The following STAT3 variants were observed in gnomAD, a reference collection of about 807,000 sequenced individuals.
STAT3 encodes the protein DNA-binding protein APRF.
A neutral mutation model predicts 114.3 loss-of-function variants in STAT3; 7 were observed. That is an observed-to-expected ratio of 0.06 (90% CI 0.03 to 0.11). The LOEUF is 0.11. Ranked by LOEUF, STAT3 falls within the 10% of genes least tolerant of loss-of-function variation. STAT3 has a pLI of 1.00. For synonymous variants in STAT3, 331 were observed against 354.5 expected, an observed-to-expected ratio of 0.93 and a Z score of 0.74; for missense variants, 364 against 960.9, an observed-to-expected ratio of 0.38 and a Z score of 8.21.
At chr17:42,343,183 A>C (rs1319505497) in intron 4 of STAT3, among the ~76,000 whole-genome samples, 4 of 151,554 alleles carry the variant, frequency 2.6e-5, no homozygotes, top group African/African-American at 4.8e-5. Context: ...AAAAAAAAAA[A>C]AAAACAAAGG....
intron 23 of STAT3, 105 bp downstream of exon 23, chr17:42,316,684 T>G: frequency 6.4e-7 from 1 of 1,561,534 alleles, no homozygotes; most frequent in Non-Finnish European, 8.7e-7. Context: ...CTCTAGAATC[T>G]CCTACCATTC....
intron 3 of STAT3, 144 bp from the exon 4 acceptor site, chr17:42,345,801 G>A: frequency 2.4e-6 from 2 of 822,844 alleles, no homozygotes; most frequent in East Asian, 2.7e-5. Context: ...GAGCCTGGGT[G>A]AAGGCTCTCT....
At chr17:42,328,170 C>T (rs2081823067) in intron 14 of STAT3, among the ~76,000 whole-genome samples, 1 of 151,988 alleles carries the variant, frequency 6.6e-6, no homozygotes, top group African/African-American at 2.4e-5. Flanking sequence ...ATACCAACAG[C>T]AGCACTAATA....
rs1044069148 is a variant in STAT3, at chr17:42,324,745, G to A, written c.1566C>T (p.Ile522=). The A allele has an allele frequency of 2.0e-5, 32 of 1,614,000 alleles. No individual in the cohort carries two copies. The highest frequency in any genetic ancestry group is 1.5e-4 in the African/African-American group (11 of 74,890). ...FSSTTKRGLS[I]EQLTTLAEKL... is the part of the protein sequence containing the mutation. ...TCTCTGCCAGTGTAGTCAGCTGCTC[G>A]ATGCTCAGTCCTCGCTTGGTGGTGG... Residue 522 remains isoleucine (I), a synonymous_variant, in exon 17 of 24, where the codon ATC becomes ATT. Transcript: ENST00000264657. The surrounding 1 kb of genome is among the most constrained non-coding windows in gnomAD (Gnocchi z 4.5).
At chr17:42,342,727 C>T (rs1056414155) in intron 4 of STAT3, among the ~76,000 whole-genome samples, 1 of 152,046 alleles carries the variant, frequency 6.6e-6, no homozygotes, top group Non-Finnish European at 1.5e-5. Context: ...GGCAGGGCTG[C>T]GGGTTCAAAC....
intron 22 of STAT3, 104 bp from the exon 23 acceptor site, chr17:42,317,005 G>A: frequency 3.2e-6 from 5 of 1,560,030 alleles, no homozygotes; most frequent in Non-Finnish European, 4.3e-6. Context: ...TCAAACTCTG[G>A]TCTCCAACAG....
At chr17:42,358,036 G>A (rs1455318686) in intron 1 of STAT3, among the ~76,000 whole-genome samples, 4 of 152,162 alleles carry the variant, frequency 2.6e-5, no homozygotes. Context: ...AACCAATGAC[G>A]ATCAAGCTTG....
At chr17:42,329,506 T>C (rs2144769748) in intron 13 of STAT3, 48 bp downstream of exon 13, 1 of 1,614,154 alleles carries the variant, frequency 6.2e-7, no homozygotes. Flanking sequence ...TCCCTAGCCC[T>C]CTCCGGCAGC....
intron 1 of STAT3, among the ~76,000 whole-genome samples, chr17:42,351,079 C>T (rs2082926181): frequency 1.4e-5 from 2 of 145,192 alleles, no homozygotes; most frequent in Admixed American, 1.4e-4. Context: ...TGCAGTGAGC[C>T]GAGATCGTGC....
At chr17:42,345,868 C>T (rs1443962426) in intron 3 of STAT3, among the ~76,000 whole-genome samples, 2 of 144,332 alleles carry the variant, frequency 1.4e-5, no homozygotes, top group African/African-American at 5.4e-5. Context: ...GGCACATTAG[C>T]CTGAGTCTTT....
intron 1 of STAT3, among the ~76,000 whole-genome samples, chr17:42,353,803 GCCTCAAGCGAT>G (rs768623017): frequency 1.8e-4 from 28 of 152,190 alleles, no homozygotes; most frequent in African/African-American, 3.1e-4. Flanking sequence ...TGAACTCCTG[GCCTCAAGCGAT>G]CCTCCCACCT....
rs954299992 is a variant in STAT3, at chr17:42,314,060, C to T, written c.*1685G>A. On this transcript the variant is annotated 3_prime_UTR_variant, in exon 24 of 24. Transcript: ENST00000264657. Reference sequence around the variant, plus strand: ...CCAGCACGTGCTAGGTGTTCCCATACGCACAGGAGAGGCGAGCTAGCCAGC... The same window carrying T: ...CCAGCACGTGCTAGGTGTTCCCATATGCACAGGAGAGGCGAGCTAGCCAGC... The T allele has an allele frequency of 6.0e-5, 14 of 231,846 alleles. No individual in the cohort carries two copies. The highest frequency in any genetic ancestry group is 2.0e-4 in the African/African-American group (9 of 45,184). The allele number at this position is 231,846 out of a possible 1,614,324, so 14.4% of individuals were successfully genotyped here.
At chr17:42,344,006 C>T (rs7217655) in intron 4 of STAT3, among the ~76,000 whole-genome samples, 53,640 of 152,016 alleles carry the variant, frequency 0.35, 9,689 homozygotes, top group South Asian at 0.46. Flanking sequence ...CTGGATCCCT[C>T]AGAAAAGTAT....
intron 10 of STAT3, among the ~76,000 whole-genome samples, chr17:42,332,524 A>G (rs2082064716): frequency 7.2e-6 from 1 of 139,010 alleles, no homozygotes; most frequent in Admixed American, 7.1e-5. Context: ...GGTGATAGAG[A>G]AAGACTCCAT....
At chr17:42,350,238 T>G (rs2145036304) in intron 1 of STAT3, among the ~76,000 whole-genome samples, 1 of 152,290 alleles carries the variant, frequency 6.6e-6, no homozygotes, top group East Asian at 1.9e-4. Context: ...AAGCACCTAG[T>G]TAGCACTGGC....
chr17:42,354,569 GAGGCT>G (rs2083135550), intron 1 of STAT3, among the ~76,000 whole-genome samples: 2 of 151,218 alleles, frequency 1.3e-5, no homozygotes, highest in Admixed American at 1.3e-4. Context: ...AGCACTTTGG[GAGGCT>G]GAGGTGGGCG....
At chr17:42,315,946 C>A (rs971725676) in intron 23 of STAT3, 146 bp from the exon 24 acceptor site, 1 of 1,537,460 alleles carries the variant, frequency 6.5e-7, no homozygotes, top group East Asian at 2.4e-5. Context: ...GTCAGAAAAG[C>A]CAGATTTACC....
chr17:42,366,995 G>A (rs989988876), intron 1 of STAT3, among the ~76,000 whole-genome samples: 5 of 151,950 alleles, frequency 3.3e-5, no homozygotes, highest in Non-Finnish European at 7.4e-5. Context: ...ACAAAAATTA[G>A]CCAGGTGTAG....
At chr17:42,364,537 TTC>T (rs1222682575) in intron 1 of STAT3, among the ~76,000 whole-genome samples, 1 of 152,158 alleles carries the variant, frequency 6.6e-6, no homozygotes, top group Non-Finnish European at 1.5e-5. Flanking sequence ...GTCATTAATA[TTC>T]ATCTAAGAGA....
Sources: allele counts gnomAD v4.1 joint callset (sites outside exome capture counted in the v4.1 genomes callset), GRCh38; gene constraint gnomAD v4.1.1; non-coding constraint Gnocchi (gnomAD v3.1); transcripts MANE v1.5; gene names NCBI Gene and HGNC (gene_info 2026-07-23, HGNC 2026-07-21).